Variants in GPC6 observed in about 807,000 individuals in gnomAD.
The protein encoded by GPC6 is glypican 6, also known as glypican-6.
In GPC6, 14 loss-of-function variants were observed where a neutral mutation model predicts 55.2. That is an observed-to-expected ratio of 0.25 (90% CI 0.17 to 0.40). GPC6 has a LOEUF of 0.40. Among genes scored for constraint, GPC6 ranks in the 10% least tolerant of loss-of-function variants. The pLI, the probability that GPC6 is intolerant of heterozygous loss-of-function variation, is 1.00. For synonymous variants in GPC6, 278 were observed against 259.6 expected (o/e 1.07, Z -0.68); for missense variants, 641 against 708.5 (o/e 0.90, Z 1.08).
intron 1 of GPC6, among the ~76,000 whole-genome samples, chr13:93,420,851 G>T (rs1876896488): frequency 6.6e-6 from 1 of 152,086 alleles, no homozygotes; most frequent in South Asian, 2.1e-4. Context: ...GTTTTGACTA[G>T]TAGGAGGTTC....
At position 93,962,418 on chromosome 13, in the gene GPC6, T is replaced by A. The variant is rs192941363; in HGVS notation, c.712-65311T>A. Among the ~76,000 whole-genome samples, 253 of 150,364 alleles carry A rather than the reference T, an allele frequency of 1.7e-3. 6 individuals carry two copies. The East Asian group carries it at 0.033, about 20-fold the overall frequency. ...TTTAGTAACAGTAGTTAGCAAAAAA[T>A]ATATATATATTTTTTTTCTTTCTCT... is the stretch of plus-strand genomic sequence containing the variant. On this transcript the variant is annotated intron_variant, in intron 3 of 8. Coordinates refer to ENST00000377047, the MANE Select transcript of GPC6 (RefSeq NM_005708.5).
intron 1 of GPC6, among the ~76,000 whole-genome samples, chr13:93,500,859 G>A (rs888838835): frequency 6.6e-6 from 1 of 152,090 alleles, no homozygotes. Flanking sequence ...CTCTCCCACA[G>A]GAAAGCCTTG....
chr13:94,390,625 A>T lies in GPC6; in HGVS notation c.1290-7841A>T, dbSNP rs77442760. Reference sequence around the variant, plus strand: ...TATCATGAGAACAACACCAAAGGGGAAACCCACCCCCATGATCCAATCACC... The same window carrying T: ...TATCATGAGAACAACACCAAAGGGGTAACCCACCCCCATGATCCAATCACC... On this transcript the variant is annotated intron_variant, in intron 7 of 8. Transcript: ENST00000377047. Among the ~76,000 whole-genome samples the T allele has an allele frequency of 9.4e-3, 1,434 of 152,272 alleles. 62 individuals carry two copies. The highest frequency in any genetic ancestry group is 0.074 in the Admixed American group (1,131 of 15,292).
intron 5 of GPC6, among the ~76,000 whole-genome samples, chr13:94,295,944 A>C (rs1451510668): frequency 2.5e-5 from 3 of 118,494 alleles, no homozygotes. Context: ...GTTCCCACTT[A>C]CTGCGCTCCA....
chr13:94,109,474 C>G (rs369950660), intron 4 of GPC6, among the ~76,000 whole-genome samples: 2 of 150,874 alleles, frequency 1.3e-5, no homozygotes, highest in East Asian at 1.9e-4. Flanking sequence ...CTATTTTAGT[C>G]TACAATGAAG....
intron 6 of GPC6, among the ~76,000 whole-genome samples, chr13:94,381,995 A>G (rs575247089): frequency 1.3e-5 from 2 of 152,350 alleles, no homozygotes; most frequent in Middle Eastern, 6.8e-3. Context: ...CAAGGAGTCC[A>G]TTGGGAAAAG....
chr13:93,531,102 C>T (rs1566407313), intron 1 of GPC6, among the ~76,000 whole-genome samples: 1 of 152,006 alleles, frequency 6.6e-6, no homozygotes, highest in Non-Finnish European at 1.5e-5. Context: ...CATAGGCAGT[C>T]ATGATGAGTG....
At chr13:93,638,223 A>G (rs1478835810) in intron 2 of GPC6, among the ~76,000 whole-genome samples, 5 of 152,114 alleles carry the variant, frequency 3.3e-5, no homozygotes, top group Non-Finnish European at 7.4e-5. Context: ...TGGGCATAAC[A>G]TTTAGTGATA....
intron 6 of GPC6, among the ~76,000 whole-genome samples, chr13:94,372,849 G>A (rs1311228192): frequency 6.6e-6 from 1 of 152,168 alleles, no homozygotes; most frequent in Admixed American, 6.5e-5. Flanking sequence ...GGTTCTCCCA[G>A]CAGGCAGCTG....
chr13:94,311,703 A>G (rs1191379644), intron 6 of GPC6, among the ~76,000 whole-genome samples: 1 of 152,184 alleles, frequency 6.6e-6, no homozygotes, highest in Non-Finnish European at 1.5e-5. Flanking sequence ...ATTATTCCTG[A>G]GATCATATGC....
chr13:93,273,231 C>A lies in GPC6; in HGVS notation c.160+45615C>A, dbSNP rs1230729249. 3.9e-5 allele frequency among the ~76,000 whole-genome samples: 6 copies of A among 152,004 alleles called. No homozygotes were observed. In the East Asian group the frequency reaches 9.7e-4, roughly 25 times the overall value. On this transcript the variant is annotated intron_variant, in intron 1 of 8. Transcript: ENST00000377047. ...AGTCTGAATCTTATCTAAATCATAT[C>A]TAGGTAAAAAGAATTGCACTTTAAG...
intron 4 of GPC6, among the ~76,000 whole-genome samples, chr13:94,188,520 A>G (rs1889276751): frequency 6.6e-6 from 1 of 152,188 alleles, no homozygotes; most frequent in African/African-American, 2.4e-5. Flanking sequence ...ACTAAAGTTG[A>G]ATAAAGAAAA....
rs139461440 is a variant in GPC6 at position 93,869,094 on chromosome 13, T to G, written c.711+38549T>G. 4.8e-3 allele frequency among the ~76,000 whole-genome samples: 729 copies of G among 151,976 alleles called. 2 individuals are homozygous for G. The highest frequency in any genetic ancestry group is 8.8e-3 in the Non-Finnish European group (595 of 67,880). ...TACTAAGTAATGTAGCAAAATACAT[T>G]GAAAGTGATTAGCCCTTTAATACTG... On this transcript the variant is annotated intron_variant, in intron 3 of 8. Coordinates refer to ENST00000377047, the MANE Select transcript of GPC6 (RefSeq NM_005708.5).
intron 2 of GPC6, among the ~76,000 whole-genome samples, chr13:93,710,726 C>A (rs1883026660): frequency 6.9e-6 from 1 of 143,902 alleles, no homozygotes; most frequent in African/African-American, 2.6e-5. Flanking sequence ...TATGAAGAAA[C>A]TTATAGAAAT....
chr13:94,024,376 A>G (rs972503914), intron 3 of GPC6, among the ~76,000 whole-genome samples: 2 of 152,148 alleles, frequency 1.3e-5, no homozygotes, highest in Non-Finnish European at 2.9e-5. Flanking sequence ...AAACACTATG[A>G]AAAATAGAGA....
At chr13:93,665,894 G>A (rs1009737341) in intron 2 of GPC6, among the ~76,000 whole-genome samples, 2 of 152,262 alleles carry the variant, frequency 1.3e-5, no homozygotes, top group East Asian at 1.9e-4. Flanking sequence ...CGATGTGGCC[G>A]AAGATCAATC....
chr13:94,106,478 A>G (rs1238637583), intron 4 of GPC6, among the ~76,000 whole-genome samples: 2 of 152,148 alleles, frequency 1.3e-5, no homozygotes, highest in Non-Finnish European at 2.9e-5. Flanking sequence ...CTAAGAATCA[A>G]AGAGACTTGA....
At chr13:94,297,301 G>A (rs1875393455) in intron 5 of GPC6, among the ~76,000 whole-genome samples, 1 of 152,122 alleles carries the variant, frequency 6.6e-6, no homozygotes, top group Non-Finnish European at 1.5e-5. Context: ...TTGAATCGTA[G>A]GTGGAAGGAA....
chr13:93,861,449 A>G (rs899402256), intron 3 of GPC6, among the ~76,000 whole-genome samples: 5 of 151,464 alleles, frequency 3.3e-5, no homozygotes, highest in Non-Finnish European at 7.4e-5. Flanking sequence ...ATTGTTAACT[A>G]CAGAAAATAT....
Sources: gnomAD v4.1 joint callset for allele counts (sites outside exome capture counted in the v4.1 genomes callset) on GRCh38, gnomAD v4.1.1 for gene constraint, MANE v1.5 for transcripts, NCBI Gene and HGNC (gene_info 2026-07-23, HGNC 2026-07-21) for gene names.